Variants in LANCL3 observed in about 807,000 individuals in gnomAD.
LANCL3 encodes lanC-like protein 3.
LANCL3 carries 19 observed loss-of-function variants against 26.5 expected under a neutral mutation model. That is an observed-to-expected ratio of 0.72 (90% CI 0.50 to 1.05). LANCL3 has a LOEUF of 1.05. LANCL3 is among the 50% of genes least tolerant of loss of function. The probability of loss-of-function intolerance (pLI) is 0.00; values close to 1 mark genes in which losing one functional copy is unlikely to be tolerated. For missense variants in LANCL3, 318 were observed against 362.7 expected, an observed-to-expected ratio of 0.88 and a Z score of 1.00; for synonymous variants, 160 against 166.6, an observed-to-expected ratio of 0.96 and a Z score of 0.30.
At chrX:37,572,545 G>A in intron 1 of LANCL3, 102 bp downstream of exon 1, 1 of 685,702 alleles carries the variant, frequency 1.5e-6, no homozygotes, top group South Asian at 2.6e-5. Context: ...TGCTCTCCAA[G>A]TCTTTGTTAC....
chrX:37,655,670 C>A lies in LANCL3; in HGVS notation c.574-18C>A. 8.5e-7 allele frequency: 1 copy of A among 1,176,375 alleles called. No individual in the cohort carries two copies. Among genetic ancestry groups the A allele is most frequent in the Non-Finnish European group, 1.1e-6 (1 of 879,666 alleles). On this transcript the variant is annotated intron_variant, in intron 1 of 4. Coordinates refer to ENST00000378619, the MANE Select transcript of LANCL3 (RefSeq NM_001170331.2). The stretch of plus-strand genomic sequence containing the variant: ...GGAGATCCTGCTTTGACTTCTACTT[C>A]TGGATTTCCTTATTCAGGTGCTGAC...
At position 37,668,471 on chromosome X, in the gene LANCL3, C is replaced by A. The variant is rs372196104; in HGVS notation, c.1103+982C>A. The A allele has an allele frequency of 1.1e-5, 4 of 365,665 alleles. No homozygotes were observed. The Admixed American group carries it at 1.7e-4, about 15-fold the overall frequency. The allele number at this position is 365,665 out of a possible 1,213,427, so 30.1% of individuals were successfully genotyped here. A position where few individuals can be genotyped will look rare whatever the true frequency, so the allele number is the denominator to read the frequency against. ...GACTGGTAAGCTGGGTAAACTGGGC[C>A]AGGAGGACCATAAATGAACTCTAAA... is the stretch of plus-strand genomic sequence containing the variant. On this transcript the variant is annotated intron_variant, in intron 4 of 4. Transcript: ENST00000378619.
chrX:37,573,614 G>A (rs1208192507), intron 1 of LANCL3, among the ~76,000 whole-genome samples: 1 of 112,004 alleles, frequency 8.9e-6, no homozygotes, highest in Non-Finnish European at 1.9e-5. Flanking sequence ...CTGAGTCACT[G>A]TTAACTGCCA....
chrX:37,622,484 C>T (rs533954501), intron 1 of LANCL3, among the ~76,000 whole-genome samples: 2 of 110,498 alleles, frequency 1.8e-5, no homozygotes, highest in East Asian at 2.8e-4. Context: ...TTTAACTTTC[C>T]CAAGTATTTA....
intron 1 of LANCL3, among the ~76,000 whole-genome samples, chrX:37,625,976 A>G (rs1399294342): frequency 8.9e-6 from 1 of 112,110 alleles, no homozygotes; most frequent in Non-Finnish European, 1.9e-5. Flanking sequence ...GCTTTTGCTT[A>G]TATCACTAAC....
intron 1 of LANCL3, among the ~76,000 whole-genome samples, chrX:37,591,680 C>G (rs1238231786): frequency 1.8e-5 from 2 of 108,806 alleles, no homozygotes; most frequent in Non-Finnish European, 3.8e-5. Context: ...GTATATTACA[C>G]TCTAGGCTAG....
chrX:37,628,652 G>A (rs1925387701), intron 1 of LANCL3, among the ~76,000 whole-genome samples: 1 of 86,554 alleles, frequency 1.2e-5, no homozygotes, highest in African/African-American at 4.6e-5. Flanking sequence ...CTGTGTCCAT[G>A]TGTTCTCATT....
intron 1 of LANCL3, among the ~76,000 whole-genome samples, chrX:37,606,460 C>G (rs1357770500): frequency 4.5e-5 from 5 of 112,065 alleles, no homozygotes; most frequent in Non-Finnish European, 7.5e-5. Context: ...AATAGCATTC[C>G]CAGTGCTGCT....
chrX:37,644,821 G>A (rs1213458533), intron 1 of LANCL3, among the ~76,000 whole-genome samples: 6 of 112,168 alleles, frequency 5.3e-5, no homozygotes, highest in African/African-American at 1.6e-4. Flanking sequence ...TTGTAATAAC[G>A]TGGAGAGCTT....
rs1299250545 is a variant in LANCL3 at position 37,676,221 on chromosome X, A to G, written c.*408A>G. Reference sequence around the variant, plus strand: ...TCTACCCTTAAATTCAGAAATAAAGACAATAAAAAATTAAAATAATTGCCC... The same window carrying G: ...TCTACCCTTAAATTCAGAAATAAAGGCAATAAAAAATTAAAATAATTGCCC... On this transcript the variant is annotated 3_prime_UTR_variant, in exon 5 of 5. Coordinates refer to ENST00000378619, the MANE Select transcript of LANCL3 (RefSeq NM_001170331.2). 8.8e-6 allele frequency: 1 copy of G among 113,754 alleles called. No homozygotes were observed. Among genetic ancestry groups the G allele is most frequent in the African/African-American group, 3.2e-5 (1 of 31,006 alleles). 9.4% of individuals were successfully genotyped at this position (113,754 alleles called of 1,213,427 possible). A position where few individuals can be genotyped will look rare whatever the true frequency, so the allele number is the denominator to read the frequency against.
chrX:37,674,009 T>G (rs1452181757), intron 4 of LANCL3, among the ~76,000 whole-genome samples: 1 of 112,003 alleles, frequency 8.9e-6, no homozygotes, highest in East Asian at 2.8e-4. Flanking sequence ...TCTTTACATA[T>G]AACACTATCC....
intron 4 of LANCL3, among the ~76,000 whole-genome samples, chrX:37,670,179 C>CT (rs782166736): frequency 6.0e-4 from 67 of 111,961 alleles, no homozygotes; most frequent in African/African-American, 1.9e-3. Flanking sequence ...ATTTCTTGGT[C>CT]TATAAATAGC....
intron 1 of LANCL3, among the ~76,000 whole-genome samples, chrX:37,641,279 A>G (rs1441785195): frequency 1.8e-5 from 2 of 110,038 alleles, no homozygotes; most frequent in East Asian, 5.6e-4. Context: ...TATTTCATAT[A>G]TATATATATA....
intron 2 of LANCL3, among the ~76,000 whole-genome samples, chrX:37,656,261 G>A (rs1315162706): frequency 2.8e-5 from 3 of 108,098 alleles, no homozygotes; most frequent in Non-Finnish European, 3.8e-5. Flanking sequence ...AAAAAAAAAA[G>A]GGAAATTAGT....
At chrX:37,637,376 T>C (rs1423106060) in intron 1 of LANCL3, among the ~76,000 whole-genome samples, 1 of 112,139 alleles carries the variant, frequency 8.9e-6, no homozygotes, top group Non-Finnish European at 1.9e-5. Context: ...TGCTTGATTT[T>C]TCAGCTTTTC....
At chrX:37,609,824 G>GAGAT (rs1924817982) in intron 1 of LANCL3, among the ~76,000 whole-genome samples, 2 of 111,640 alleles carry the variant, frequency 1.8e-5, no homozygotes, top group East Asian at 5.6e-4. Context: ...ACTTAGAAAA[G>GAGAT]AGATAGGGGC....
intron 1 of LANCL3, among the ~76,000 whole-genome samples, chrX:37,601,784 C>T (rs961587933): frequency 8.9e-6 from 1 of 111,843 alleles, no homozygotes; most frequent in Non-Finnish European, 1.9e-5. Flanking sequence ...ATCAGGGAAA[C>T]GAAAGCTATC....
rs952013839 is a variant in LANCL3 at position 37,679,204 on chromosome X, G to A, written c.*3391G>A. ...GATCCTTTATATATTTAAAAGGGAT[G>A]TTATATTTTACCCACTATATACATA... On this transcript the variant is annotated 3_prime_UTR_variant, in exon 5 of 5. Coordinates refer to ENST00000378619, the MANE Select transcript of LANCL3 (RefSeq NM_001170331.2). The A allele has an allele frequency of 1.8e-5, 2 of 111,770 alleles. No individual in the cohort carries two copies. Among genetic ancestry groups the A allele is most frequent in the Non-Finnish European group, 3.8e-5 (2 of 53,099 alleles). The allele number at this position is 111,770 out of a possible 1,213,427, so 9.2% of individuals were successfully genotyped here.
Position 37,639,797 on chromosome X carries a change from A to C in LANCL3, c.574-15891A>C, listed in dbSNP as rs150684317. 4.9e-3 allele frequency among the ~76,000 whole-genome samples: 530 copies of C among 108,179 alleles called. 3 individuals carry two copies. Among genetic ancestry groups the C allele is most frequent in the African/African-American group, 0.018 (513 of 29,255 alleles). The allele number at this position is 108,179 out of a possible 115,157, so 93.9% of individuals were successfully genotyped here. A position where few individuals can be genotyped will look rare whatever the true frequency, so the allele number is the denominator to read the frequency against. ...GATTCTTCTCTCTTACTTCCCCCAA[A>C]GTCTTGGTCTAGATTGAGATCTCTG... On this transcript the variant is annotated intron_variant, in intron 1 of 4. Transcript: ENST00000378619.
Sources: gnomAD v4.1 joint callset for allele counts (sites outside exome capture counted in the v4.1 genomes callset) on GRCh38, gnomAD v4.1.1 for gene constraint, MANE v1.5 for transcripts, NCBI Gene and HGNC (gene_info 2026-07-23, HGNC 2026-07-21) for gene names.